The following DLG2 variants were observed in gnomAD, a reference collection of about 807,000 sequenced individuals.
DLG2 encodes the protein discs large MAGUK scaffold protein 2.
DLG2 carries 45 observed loss-of-function variants against 132.5 expected under a neutral mutation model. The ratio of observed to expected loss-of-function variants is 0.34; its 90% CI spans 0.27 to 0.44. The LOEUF (loss-of-function observed/expected upper bound fraction) is 0.44, where lower values mean the gene tolerates loss of function less well. Ranked by LOEUF, DLG2 falls within the 20% of genes least tolerant of loss-of-function variation. The probability of loss-of-function intolerance (pLI) is 1.00; values close to 1 mark genes in which losing one functional copy is unlikely to be tolerated. For synonymous variants in DLG2, 424 were observed against 419.6 expected, an observed-to-expected ratio of 1.01 and a Z score of -0.13; for missense variants, 1,045 against 1,196.9, an observed-to-expected ratio of 0.87 and a Z score of 1.87.
At chr11:84,482,794 G>C (rs978617114) in intron 7 of DLG2, among the ~76,000 whole-genome samples, 1 of 152,126 alleles carries the variant, frequency 6.6e-6, no homozygotes, top group African/African-American at 2.4e-5. Context: ...TTATGACTTA[G>C]TAAGTGAAAA....
intron 2 of DLG2, among the ~76,000 whole-genome samples, chr11:85,623,703 A>T (rs983998652): frequency 2.6e-5 from 4 of 152,262 alleles, no homozygotes; most frequent in Non-Finnish European, 5.9e-5. Flanking sequence ...GAGAACAAAA[A>T]GCCATTCAAA....
chr11:84,183,824 T>C (rs2096208513), intron 8 of DLG2, among the ~76,000 whole-genome samples: 1 of 152,148 alleles, frequency 6.6e-6, no homozygotes, highest in African/African-American at 2.4e-5. Flanking sequence ...GAACATGTGG[T>C]GCTTGGTTTT....
chr11:85,021,130 T>C (rs746208588), intron 6 of DLG2: 28 of 808,540 alleles, frequency 3.5e-5, no homozygotes, highest in African/African-American at 6.7e-5. Flanking sequence ...TGCTTTCAAC[T>C]TTCCAGACTT....
intron 3 of DLG2, among the ~76,000 whole-genome samples, chr11:85,533,410 T>C (rs1375196869): frequency 2.7e-5 from 4 of 150,030 alleles, no homozygotes; most frequent in Non-Finnish European, 5.9e-5. Flanking sequence ...ACACACACTA[T>C]ATACATATTG....
At chr11:84,852,625 G>A (rs1241176003) in intron 6 of DLG2, among the ~76,000 whole-genome samples, 1 of 151,346 alleles carries the variant, frequency 6.6e-6, no homozygotes, top group Non-Finnish European at 1.5e-5. Flanking sequence ...GAATGCTGAA[G>A]TATAAGACAG....
At chr11:85,103,655 C>A (rs2071237932) in intron 6 of DLG2, among the ~76,000 whole-genome samples, 1 of 151,862 alleles carries the variant, frequency 6.6e-6, no homozygotes. Context: ...ATCTTTGTGA[C>A]CTTGGGTTAT....
intron 3 of DLG2, among the ~76,000 whole-genome samples, chr11:85,439,201 G>A (rs2091646770): frequency 1.3e-5 from 2 of 152,092 alleles, no homozygotes; most frequent in Admixed American, 1.3e-4. Flanking sequence ...TTATAAGAAA[G>A]TATTCAACCT....
intron 7 of DLG2, among the ~76,000 whole-genome samples, chr11:84,288,259 A>ATACT (rs1470466078): frequency 6.6e-6 from 1 of 152,000 alleles, no homozygotes; most frequent in Non-Finnish European, 1.5e-5. Context: ...GATTAAATGA[A>ATACT]TACTTACACT....
Position 83,984,318 on chromosome 11 carries a change from A to G in DLG2, c.920-3676T>C, listed in dbSNP as rs576689007. Among the ~76,000 whole-genome samples the G allele has an allele frequency of 1.8e-4, 27 of 152,222 alleles. No individual in the cohort carries two copies. In the South Asian group the frequency reaches 5.6e-3, roughly 32 times the overall value. Reference sequence around the variant, plus strand: ...GACTCTATTCAAGGTGAAGCAAGGTATTTTTAGTAAATGTTCCTCTCAGAG... The same window carrying G: ...GACTCTATTCAAGGTGAAGCAAGGTGTTTTTAGTAAATGTTCCTCTCAGAG... On this transcript the variant is annotated intron_variant, in intron 11 of 27. Coordinates refer to ENST00000376104, the MANE Select transcript of DLG2 (RefSeq NM_001142699.3).
chr11:84,428,433 G>C (rs2098973955), intron 7 of DLG2, among the ~76,000 whole-genome samples: 1 of 152,168 alleles, frequency 6.6e-6, no homozygotes, highest in Non-Finnish European at 1.5e-5. Context: ...CAGGTATTAG[G>C]TGGCTTAAAC....
intron 18 of DLG2, among the ~76,000 whole-genome samples, chr11:83,750,775 TA>T (rs1284935325): frequency 2.6e-5 from 4 of 152,214 alleles, no homozygotes; most frequent in Non-Finnish European, 5.9e-5. Context: ...TAAATATGAT[TA>T]TTTTTTCAAT....
At chr11:85,352,266 C>T (rs1010981635) in intron 3 of DLG2, among the ~76,000 whole-genome samples, 2 of 152,126 alleles carry the variant, frequency 1.3e-5, no homozygotes, top group African/African-American at 4.8e-5. Context: ...TCCCCTTTAT[C>T]ATTTTTTATT....
At chr11:85,271,608 GC>G (rs1417560713) in intron 4 of DLG2, among the ~76,000 whole-genome samples, 1 of 152,236 alleles carries the variant, frequency 6.6e-6, no homozygotes, top group Admixed American at 6.5e-5. Flanking sequence ...AGCCAGAGGG[GC>G]TGAGCTGCCC....
chr11:84,210,870 T>C (rs981749208), intron 8 of DLG2, among the ~76,000 whole-genome samples: 2 of 152,174 alleles, frequency 1.3e-5, no homozygotes, highest in African/African-American at 4.8e-5. Context: ...GAGAACTTTC[T>C]AGGGTGATGT....
chr11:83,718,393 C>T (rs1468211724), intron 18 of DLG2, among the ~76,000 whole-genome samples: 1 of 151,776 alleles, frequency 6.6e-6, no homozygotes, highest in Admixed American at 6.6e-5. Context: ...CAAAAATTAG[C>T]CGGGCATGAT....
chr11:84,783,715 T>G (rs1363296282), intron 6 of DLG2, among the ~76,000 whole-genome samples: 2 of 152,196 alleles, frequency 1.3e-5, no homozygotes, highest in Non-Finnish European at 2.9e-5. Context: ...GCCTAAAATG[T>G]CTCAACTCTA....
chr11:85,546,353 G>C (rs1268227491), intron 3 of DLG2, among the ~76,000 whole-genome samples: 1 of 152,206 alleles, frequency 6.6e-6, no homozygotes, highest in Admixed American at 6.5e-5. Context: ...TGTGGTCTGA[G>C]AGACTGTTTG....
rs73509185 is a variant in DLG2 at position 84,573,563 on chromosome 11, A to G, written c.358-38832T>C. Among the ~76,000 whole-genome samples, 231 of 152,296 alleles carry G rather than the reference A, an allele frequency of 1.5e-3. 1 individual carries two copies. The highest frequency in any genetic ancestry group is 5.4e-3 in the African/African-American group (223 of 41,580). ...ATACTTCAGATACTGCTGAGAAAAA[A>G]AAGTTATCCTACCTTAAACCACATA... On this transcript the variant is annotated intron_variant, in intron 6 of 27. Transcript: ENST00000376104.
At position 85,490,118 on chromosome 11, in the gene DLG2, T is replaced by A. The variant is rs551166808; in HGVS notation, c.40+108539A>T. 1.3e-4 allele frequency among the ~76,000 whole-genome samples: 20 copies of A among 152,040 alleles called. 1 individual carries two copies. The highest frequency in any genetic ancestry group is 3.9e-4 in the African/African-American group (16 of 41,492). ...TGAGAGGATCAATTAAGCCCAAGAATGTGAGACTGCAGTAAGCTATAATCA... is the reference window on the plus strand; with the variant it reads ...TGAGAGGATCAATTAAGCCCAAGAAAGTGAGACTGCAGTAAGCTATAATCA... On this transcript the variant is annotated intron_variant, in intron 3 of 27. Coordinates refer to ENST00000376104, the MANE Select transcript of DLG2 (RefSeq NM_001142699.3).
Sources: gnomAD v4.1 joint callset for allele counts (sites outside exome capture counted in the v4.1 genomes callset) on GRCh38, gnomAD v4.1.1 for gene constraint, MANE v1.5 for transcripts, NCBI Gene and HGNC (gene_info 2026-07-23, HGNC 2026-07-21) for gene names.